CSDE1: variants seen among roughly 807,000 people sequenced by gnomAD.
CSDE1 encodes the protein cold shock domain-containing protein E1.
A neutral mutation model predicts 89.3 loss-of-function variants in CSDE1; 17 were observed. The ratio of observed to expected loss-of-function variants is 0.19; its 90% CI spans 0.13 to 0.29. The LOEUF is 0.29. Ranked by LOEUF, CSDE1 falls within the 10% of genes least tolerant of loss-of-function variation. The probability of loss-of-function intolerance (pLI) is 1.00; values close to 1 mark genes in which losing one functional copy is unlikely to be tolerated. For synonymous variants in CSDE1, 322 were observed against 332.8 expected (o/e 0.97, Z 0.35); for missense variants, 672 against 984.2 (o/e 0.68, Z 4.24).
chr1:114,755,334 G>A (rs919174252), intron 1 of CSDE1, among the ~76,000 whole-genome samples: 2 of 152,212 alleles, frequency 1.3e-5, no homozygotes, highest in Admixed American at 1.3e-4. Flanking sequence ...AAAGTAGGCA[G>A]TATCTAGCAT....
intron 13 of CSDE1, 52 bp downstream of exon 13, chr1:114,726,931 T>A: frequency 8.2e-7 from 1 of 1,213,536 alleles, no homozygotes; most frequent in South Asian, 1.3e-5. Context: ...GCAGGATTTA[T>A]GATTAAGATG....
intron 2 of CSDE1, chr1:114,741,793 G>C: frequency 2.9e-6 from 2 of 692,574 alleles, no homozygotes; most frequent in Non-Finnish European, 4.4e-6. Flanking sequence ...TCTATTGACA[G>C]GAAATACATA....
chr1:114,732,287 GA>G (rs1415574009), intron 10 of CSDE1, among the ~76,000 whole-genome samples: 2 of 152,072 alleles, frequency 1.3e-5, no homozygotes, highest in African/African-American at 4.8e-5. Flanking sequence ...AATAGTTTGG[GA>G]AAATCTACTT....
intron 18 of CSDE1, among the ~76,000 whole-genome samples, chr1:114,719,110 G>A (rs1390000622): frequency 2.6e-5 from 4 of 152,144 alleles, no homozygotes; most frequent in Non-Finnish European, 2.9e-5. Context: ...CCAGAAGTTC[G>A]AGATCAGCCT....
intron 16 of CSDE1, among the ~76,000 whole-genome samples, chr1:114,721,556 C>T (rs1223261348): frequency 2.0e-5 from 3 of 152,170 alleles, no homozygotes; most frequent in African/African-American, 7.2e-5. Flanking sequence ...AGCTTCTAAC[C>T]ATCCTCTTGA....
intron 12 of CSDE1, among the ~76,000 whole-genome samples, chr1:114,729,123 G>A (rs1430532598): frequency 6.6e-6 from 1 of 151,852 alleles, no homozygotes; most frequent in Non-Finnish European, 1.5e-5. Context: ...TTTGGAGACG[G>A]AGTCTCACTC....
rs1487086134 is a variant in CSDE1, at chr1:114,733,830, G to C, written c.739C>G (p.Leu247Val). The C allele has an allele frequency of 6.2e-7, 1 of 1,614,010 alleles. No homozygotes were observed. Among genetic ancestry groups the C allele is most frequent in the Non-Finnish European group, 8.5e-7 (1 of 1,179,974 alleles). Residue 247 changes from leucine to valine, a missense_variant, in exon 9 of 20, where the codon CTA (leucine) becomes GTA (valine). Coordinates refer to ENST00000358528, the MANE Select transcript of CSDE1 (RefSeq NM_001007553.3). The part of the protein sequence containing the change: ...NGKEVATDVR[L>V]LPQGTVIFED... ...AAAATGACTGTTCCTTGAGGCAATA[G>C]TCTGACATCTGTTGCAACTTCTTTA...
At chr1:114,726,874 C>A in intron 13 of CSDE1, 109 bp downstream of exon 13, 1 of 675,182 alleles carries the variant, frequency 1.5e-6, no homozygotes. Context: ...CTCTTAAACA[C>A]AAAATATATT....
At chr1:114,751,401 G>A (rs1320432101) in intron 1 of CSDE1, among the ~76,000 whole-genome samples, 2 of 152,152 alleles carry the variant, frequency 1.3e-5, no homozygotes, top group Non-Finnish European at 2.9e-5. Flanking sequence ...CAGGTGAGAG[G>A]TCAGAGCTGA....
At chr1:114,729,279 T>C (rs1659973109) in intron 12 of CSDE1, among the ~76,000 whole-genome samples, 1 of 151,896 alleles carries the variant, frequency 6.6e-6, no homozygotes. Context: ...TTTTGTATTT[T>C]TAGTAGAGAT....
chr1:114,741,589 A>G (rs1234003022), intron 2 of CSDE1: 4 of 1,550,624 alleles, frequency 2.6e-6, no homozygotes, highest in Admixed American at 2.0e-5. Flanking sequence ...GAAGATGAAG[A>G]TAAGGGTAAA....
chr1:114,735,775 G>A (rs1307729158), intron 6 of CSDE1, among the ~76,000 whole-genome samples: 2 of 147,744 alleles, frequency 1.4e-5, no homozygotes, highest in African/African-American at 4.9e-5. Flanking sequence ...TCTCTCCTAT[G>A]CCAAGATAAA....
intron 2 of CSDE1, among the ~76,000 whole-genome samples, chr1:114,745,803 A>G (rs905058157): frequency 2.6e-5 from 4 of 152,204 alleles, no homozygotes; most frequent in African/African-American, 9.6e-5. Flanking sequence ...GTCAAATTTA[A>G]ACTTCATTTG....
chr1:114,725,200 TAAG>T lies in CSDE1; in HGVS notation c.1753+18_1753+20del. ...CTCCCACTTAAAAGCACAGGCTGAATAAGAAGTCACAATTTATTACCTGAGTGT... is the reference window on the plus strand; with the variant it reads ...CTCCCACTTAAAAGCACAGGCTGAATAAGTCACAATTTATTACCTGAGTGT... On this transcript the variant is annotated intron_variant, in intron 15 of 19. Transcript: ENST00000358528. The T allele has an allele frequency of 1.3e-6, 2 of 1,591,920 alleles. No homozygotes were observed. Among genetic ancestry groups the T allele is most frequent in the Non-Finnish European group, 1.7e-6 (2 of 1,159,674 alleles).
At chr1:114,726,441 T>C in intron 13 of CSDE1, 55 bp from the exon 14 acceptor site, 1 of 1,433,954 alleles carries the variant, frequency 7.0e-7, no homozygotes, top group East Asian at 2.4e-5. Flanking sequence ...CCAATCTCCT[T>C]AACTCAGAAA....
At chr1:114,733,301 A>G (rs561172496) in intron 9 of CSDE1, among the ~76,000 whole-genome samples, 120 of 152,182 alleles carry the variant, frequency 7.9e-4, no homozygotes, top group South Asian at 1.9e-3. Context: ...GCCAAGGTGG[A>G]CAGATCGCAA....
Position 114,724,018 on chromosome 1 carries a change from A to G in CSDE1, c.1754-16T>C, listed in dbSNP as rs577252970. ...ATGCCATTCACTACAAAACAAAGGC[A>G]GGTACATCTTTCAATTTTATTTCAT... On this transcript the variant is annotated splice_polypyrimidine_tract_variant and intron_variant, in intron 15 of 19. Transcript: ENST00000358528. 91 of 1,605,604 alleles carry G rather than the reference A, an allele frequency of 5.7e-5. 1 individual carries two copies. In the South Asian group the frequency reaches 9.8e-4, roughly 17 times the overall value.
At chr1:114,732,105 T>G (rs563624417) in intron 10 of CSDE1, among the ~76,000 whole-genome samples, 1 of 152,190 alleles carries the variant, frequency 6.6e-6, no homozygotes, top group African/African-American at 2.4e-5. Context: ...TGAGCCACCG[T>G]GCCTATGATT....
chr1:114,729,005 C>G (rs1346782101), intron 12 of CSDE1, among the ~76,000 whole-genome samples: 1 of 152,178 alleles, frequency 6.6e-6, no homozygotes, highest in Non-Finnish European at 1.5e-5. Context: ...TTTCTCCATC[C>G]CATCTAGGCT....
Sources: gnomAD v4.1 joint callset for allele counts (sites outside exome capture counted in the v4.1 genomes callset) on GRCh38, gnomAD v4.1.1 for gene constraint, MANE v1.5 for transcripts, NCBI Gene and HGNC (gene_info 2026-07-23, HGNC 2026-07-21) for gene names.